Variants in GALNTL6 observed in about 807,000 individuals in gnomAD.
GALNTL6 encodes polypeptide N-acetylgalactosaminyltransferase like 6, also known as polypeptide N-acetylgalactosaminyltransferase-like 6.
GALNTL6 carries 46 observed loss-of-function variants against 73.7 expected under a neutral mutation model. That is an observed-to-expected ratio of 0.62 (90% CI 0.49 to 0.80). The LOEUF is 0.80. Ranked by LOEUF, GALNTL6 falls within the 30% of genes least tolerant of loss-of-function variation. The pLI is 0.00. For synonymous variants in GALNTL6, 259 were observed against 263.7 expected (o/e 0.98, Z 0.17); for missense variants, 604 against 755.0 (o/e 0.80, Z 2.34).
intron 5 of GALNTL6, among the ~76,000 whole-genome samples, chr4:172,753,649 T>C (rs1737563246): frequency 6.6e-6 from 1 of 152,220 alleles, no homozygotes; most frequent in Admixed American, 6.5e-5. Context: ...TATATGGACT[T>C]CCTAAAATCT....
intron 5 of GALNTL6, among the ~76,000 whole-genome samples, chr4:172,556,299 C>T (rs867913361): frequency 6.6e-6 from 1 of 151,930 alleles, no homozygotes; most frequent in Non-Finnish European, 1.5e-5. Context: ...CCATGATAAT[C>T]ACTCTCCAGG....
At chr4:172,011,392 T>C (rs1293921069) in intron 2 of GALNTL6, among the ~76,000 whole-genome samples, 2 of 151,900 alleles carry the variant, frequency 1.3e-5, no homozygotes, top group African/African-American at 4.8e-5. Flanking sequence ...TGTAAGAGAG[T>C]GTGGGTGTGT....
intron 5 of GALNTL6, among the ~76,000 whole-genome samples, chr4:172,655,456 C>T (rs1401976663): frequency 1.3e-5 from 2 of 152,130 alleles, no homozygotes; most frequent in African/African-American, 2.4e-5. Context: ...TGTACCTGAT[C>T]CTTAAGCCCC....
chr4:171,838,939 G>A (rs560480112), intron 2 of GALNTL6, among the ~76,000 whole-genome samples: 7 of 152,216 alleles, frequency 4.6e-5, no homozygotes, highest in East Asian at 3.9e-4. Context: ...GCTCTCTGCC[G>A]TCTAAAACCT....
chr4:172,294,725 AAACT>A (rs1398062581), intron 3 of GALNTL6, among the ~76,000 whole-genome samples: 1 of 152,204 alleles, frequency 6.6e-6, no homozygotes, highest in Admixed American at 6.5e-5. Context: ...ATGGTGAATG[AAACT>A]AAATAAGATT....
chr4:172,453,352 T>C (rs1376401633), intron 5 of GALNTL6, among the ~76,000 whole-genome samples: 1 of 152,220 alleles, frequency 6.6e-6, no homozygotes, highest in Admixed American at 6.5e-5. Context: ...TAAAAAGGAA[T>C]GCATGGAAAA....
chr4:172,923,729 C>T (rs1021711652), intron 8 of GALNTL6, among the ~76,000 whole-genome samples: 6 of 152,036 alleles, frequency 3.9e-5, no homozygotes, highest in Non-Finnish European at 8.8e-5. Context: ...AATGGATTTA[C>T]GGTTCCACAT....
At chr4:172,655,785 A>G (rs1034348020) in intron 5 of GALNTL6, among the ~76,000 whole-genome samples, 8 of 152,232 alleles carry the variant, frequency 5.3e-5, no homozygotes, top group Non-Finnish European at 1.0e-4. Context: ...AAAAAATAAG[A>G]TAAGTTAAAT....
intron 10 of GALNTL6, among the ~76,000 whole-genome samples, chr4:172,978,673 G>T (rs1750940816): frequency 6.6e-6 from 1 of 152,174 alleles, no homozygotes; most frequent in African/African-American, 2.4e-5. Context: ...TAACATTTGA[G>T]ATATTTAGCA....
At chr4:172,155,804 A>C (rs1560945051) in intron 2 of GALNTL6, among the ~76,000 whole-genome samples, 1 of 152,136 alleles carries the variant, frequency 6.6e-6, no homozygotes, top group Non-Finnish European at 1.5e-5. Context: ...CTGTACTATA[A>C]AATGTAAATA....
At chr4:172,656,395 A>G (rs941784121) in intron 5 of GALNTL6, among the ~76,000 whole-genome samples, 1 of 152,242 alleles carries the variant, frequency 6.6e-6, no homozygotes, top group African/African-American at 2.4e-5. Flanking sequence ...CAGTTTTATT[A>G]CATAAAAGTT....
chr4:172,291,251 C>A (rs1739461092), intron 3 of GALNTL6, among the ~76,000 whole-genome samples: 1 of 151,874 alleles, frequency 6.6e-6, no homozygotes, highest in African/African-American at 2.4e-5. Context: ...AAAAGTCTAA[C>A]AATAATCCCA....
rs719799 is a variant in GALNTL6 at position 172,145,527 on chromosome 4, A to T, written c.139-84129A>T. On this transcript the variant is annotated intron_variant, in intron 2 of 12. Coordinates refer to ENST00000506823, the MANE Select transcript of GALNTL6 (RefSeq NM_001034845.3). ...CCCAAAATTCTGGGGTTACAAGCAT[A>T]TATATGGCATGAGTATTTCTGGATT... is the stretch of plus-strand genomic sequence containing the variant. 7.6e-4 allele frequency among the ~76,000 whole-genome samples: 116 copies of T among 151,948 alleles called. 3 individuals carry two copies. The East Asian group carries it at 0.019, about 25-fold the overall frequency.
intron 5 of GALNTL6, among the ~76,000 whole-genome samples, chr4:172,659,688 G>A (rs1237855911): frequency 6.6e-6 from 1 of 152,176 alleles, no homozygotes; most frequent in African/African-American, 2.4e-5. Context: ...CTAAGATGTT[G>A]CTGTGAAGGT....
intron 10 of GALNTL6, among the ~76,000 whole-genome samples, chr4:173,008,765 G>A (rs991160904): frequency 1.3e-5 from 2 of 152,178 alleles, no homozygotes; most frequent in African/African-American, 4.8e-5. Flanking sequence ...TAAACTGGCT[G>A]CAGTCAGCTG....
At chr4:172,556,246 G>A (rs1433764288) in intron 5 of GALNTL6, among the ~76,000 whole-genome samples, 1 of 151,890 alleles carries the variant, frequency 6.6e-6, no homozygotes, top group Non-Finnish European at 1.5e-5. Flanking sequence ...TTTTGTGAAT[G>A]TACCTTTTTC....
intron 5 of GALNTL6, among the ~76,000 whole-genome samples, chr4:172,414,399 T>C (rs1250652884): frequency 6.6e-6 from 1 of 152,166 alleles, no homozygotes; most frequent in Non-Finnish European, 1.5e-5. Context: ...AATTATGAAA[T>C]GATTTATATC....
chr4:172,729,327 T>C (rs1033752351), intron 5 of GALNTL6, among the ~76,000 whole-genome samples: 1 of 152,166 alleles, frequency 6.6e-6, no homozygotes, highest in Admixed American at 6.5e-5. Context: ...TAGAGCATTT[T>C]CCTAAAGTTT....
intron 5 of GALNTL6, among the ~76,000 whole-genome samples, chr4:172,390,748 C>A (rs949272620): frequency 5.9e-5 from 9 of 151,838 alleles, no homozygotes; most frequent in East Asian, 1.9e-4. Flanking sequence ...ACGTAAAATG[C>A]GATATTTTGT....
Sources: gnomAD v4.1 joint callset for allele counts (sites outside exome capture counted in the v4.1 genomes callset) on GRCh38, gnomAD v4.1.1 for gene constraint, MANE v1.5 for transcripts, NCBI Gene and HGNC (gene_info 2026-07-23, HGNC 2026-07-21) for gene names.